Variants in WDR64 observed in about 807,000 individuals in gnomAD.
WDR64 encodes the protein WD repeat-containing protein 64.
A neutral mutation model predicts 139.3 loss-of-function variants in WDR64; 112 were observed. The observed-to-expected ratio is 0.80, with a 90% CI of 0.69 to 0.94. WDR64 has a LOEUF of 0.94. Among genes scored for constraint, WDR64 ranks in the 40% least tolerant of loss-of-function variants. The probability of loss-of-function intolerance (pLI) is 0.00; values close to 1 mark genes in which losing one functional copy is unlikely to be tolerated. For missense variants in WDR64, 1,206 were observed against 1,293.1 expected, an observed-to-expected ratio of 0.93 and a Z score of 1.03; for synonymous variants, 444 against 437.7, an observed-to-expected ratio of 1.01 and a Z score of -0.18.
intron 12 of WDR64, among the ~76,000 whole-genome samples, chr1:241,744,007 T>C (rs1184776632): frequency 6.6e-6 from 1 of 152,184 alleles, no homozygotes; most frequent in Non-Finnish European, 1.5e-5. Flanking sequence ...TCCTGTCCCA[T>C]GATCCCTGGA....
chr1:241,697,247 GTCC>G (rs906217058), intron 8 of WDR64, among the ~76,000 whole-genome samples: 3 of 152,040 alleles, frequency 2.0e-5, no homozygotes, highest in African/African-American at 4.8e-5. Flanking sequence ...CTGATATCCT[GTCC>G]TCCTACATGA....
chr1:241,655,386 C>A (rs115938037), intron 1 of WDR64, among the ~76,000 whole-genome samples: 3,459 of 152,100 alleles, frequency 0.023, 123 homozygotes, highest in African/African-American at 0.071. Context: ...GAGACTCTGT[C>A]CCCCCTCACC....
At chr1:241,666,881 G>A (rs1462990775) in intron 2 of WDR64, among the ~76,000 whole-genome samples, 2 of 152,168 alleles carry the variant, frequency 1.3e-5, no homozygotes, top group Non-Finnish European at 2.9e-5. Context: ...CAAGTACAGA[G>A]AAACTAAGGA....
At chr1:241,707,596 A>G (rs1667999528) in intron 8 of WDR64, among the ~76,000 whole-genome samples, 1 of 152,122 alleles carries the variant, frequency 6.6e-6, no homozygotes, top group Non-Finnish European at 1.5e-5. Flanking sequence ...ATCTAGGTGC[A>G]TTGCTGCTCA....
At chr1:241,742,648 A>T (rs1418827457) in intron 12 of WDR64, among the ~76,000 whole-genome samples, 1 of 152,192 alleles carries the variant, frequency 6.6e-6, no homozygotes, top group Non-Finnish European at 1.5e-5. Flanking sequence ...AAAATGGGCA[A>T]CCAGCAGCCC....
chr1:241,658,981 T>C (rs1665722201), intron 1 of WDR64, among the ~76,000 whole-genome samples: 2 of 152,054 alleles, frequency 1.3e-5, no homozygotes, highest in Admixed American at 6.6e-5. Flanking sequence ...CCATGGTAGT[T>C]TGCTGCACAG....
intron 16 of WDR64, among the ~76,000 whole-genome samples, chr1:241,768,570 A>T (rs750789516): frequency 3.1e-4 from 47 of 152,244 alleles, no homozygotes; most frequent in Non-Finnish European, 5.9e-4. Flanking sequence ...AAAAAATTTG[A>T]GTTCAACAAG....
chr1:241,679,429 C>A, intron 5 of WDR64, 56 bp from the exon 6 acceptor site: 2 of 1,437,836 alleles, frequency 1.4e-6, no homozygotes, highest in East Asian at 2.5e-5. Flanking sequence ...TGGTGACCAT[C>A]ACCAGGTCAT....
chr1:241,711,094 G>T (rs148100389), intron 8 of WDR64, among the ~76,000 whole-genome samples: 2,024 of 152,236 alleles, frequency 0.013, 47 homozygotes, highest in African/African-American at 0.046. Flanking sequence ...AAAATTACCT[G>T]GGTGTGGTGG....
intron 8 of WDR64, among the ~76,000 whole-genome samples, chr1:241,711,550 A>G (rs1030234369): frequency 6.6e-6 from 1 of 152,176 alleles, no homozygotes; most frequent in Non-Finnish European, 1.5e-5. Context: ...CAAAACCACA[A>G]ACCCAGCATG....
At chr1:241,782,131 A>C (rs1246616047) in intron 22 of WDR64, among the ~76,000 whole-genome samples, 2 of 152,022 alleles carry the variant, frequency 1.3e-5, no homozygotes, top group Non-Finnish European at 2.9e-5. Flanking sequence ...CTAAAAATAC[A>C]AAAAAAATTA....
Position 241,678,222 on chromosome 1 carries a change from T to C in WDR64, c.513+6T>C. On this transcript the variant is annotated splice_donor_region_variant and intron_variant, in intron 5 of 27. Transcript: ENST00000437684. ...AGACCAGCACCAATGTTACAGTAAG[T>C]ACACTTTAAAAATTCCTAATTAAGT... 1 of 398,944 alleles carries C rather than the reference T, an allele frequency of 2.5e-6. No individual in the cohort carries two copies. Among genetic ancestry groups the C allele is most frequent in the Non-Finnish European group, 4.4e-6 (1 of 225,980 alleles). 24.7% of individuals were successfully genotyped at this position (398,944 alleles called of 1,614,324 possible).
chr1:241,726,174 C>T (rs1188378048), intron 10 of WDR64, among the ~76,000 whole-genome samples: 2 of 151,948 alleles, frequency 1.3e-5, no homozygotes, highest in African/African-American at 4.8e-5. Context: ...TAGGCCTGAG[C>T]CATGGCACTG....
chr1:241,791,148 T>C (rs1659204357), intron 25 of WDR64, among the ~76,000 whole-genome samples: 1 of 151,890 alleles, frequency 6.6e-6, no homozygotes, highest in Admixed American at 6.6e-5. Flanking sequence ...CTGCCAGGCA[T>C]GGTGATAAGC....
intron 27 of WDR64, among the ~76,000 whole-genome samples, chr1:241,799,274 G>A (rs1659458640): frequency 6.7e-6 from 1 of 148,822 alleles, no homozygotes; most frequent in Non-Finnish European, 1.5e-5. Context: ...CCAGCTGCTT[G>A]GGAGAGGTGG....
intron 2 of WDR64, among the ~76,000 whole-genome samples, chr1:241,663,637 A>G (rs954529863): frequency 6.6e-6 from 1 of 152,218 alleles, no homozygotes; most frequent in African/African-American, 2.4e-5. Flanking sequence ...CACAGAAAAA[A>G]CTAGAGTGGG....
intron 27 of WDR64, 105 bp downstream of exon 27, chr1:241,796,475 A>T (rs1659367669): frequency 1.3e-6 from 1 of 794,970 alleles, no homozygotes; most frequent in Non-Finnish European, 1.9e-6. Context: ...CTGAACCTAA[A>T]ATCATTTCAG....
intron 8 of WDR64, among the ~76,000 whole-genome samples, chr1:241,702,476 C>T (rs1667757286): frequency 1.3e-5 from 2 of 151,450 alleles, no homozygotes; most frequent in Non-Finnish European, 2.9e-5. Context: ...TAAATGTTGG[C>T]TCCTTTTCTT....
chr1:241,718,525 T>C (rs1347372471), intron 9 of WDR64, among the ~76,000 whole-genome samples: 1 of 152,124 alleles, frequency 6.6e-6, no homozygotes, highest in African/African-American at 2.4e-5. Flanking sequence ...TAAAAAAATT[T>C]CTAAGTGCAC....
Sources: allele counts gnomAD v4.1 joint callset (sites outside exome capture counted in the v4.1 genomes callset), GRCh38; gene constraint gnomAD v4.1.1; transcripts MANE v1.5; gene names NCBI Gene and HGNC (gene_info 2026-07-23, HGNC 2026-07-21).